Variants in MAP2K6 observed in about 807,000 individuals in gnomAD.
The protein encoded by MAP2K6 is dual specificity mitogen-activated protein kinase kinase 6.
MAP2K6 carries 16 observed loss-of-function variants against 53.7 expected under a neutral mutation model. The observed-to-expected ratio is 0.30, with a 90% confidence interval of 0.20 to 0.45. The LOEUF is 0.45. Among genes scored for constraint, MAP2K6 ranks in the 20% least tolerant of loss-of-function variants. MAP2K6 has a pLI of 1.00. For missense variants in MAP2K6, 204 were observed against 411.9 expected, an observed-to-expected ratio of 0.50 and a Z score of 4.37; for synonymous variants, 132 against 143.1, an observed-to-expected ratio of 0.92 and a Z score of 0.55.
intron 1 of MAP2K6, among the ~76,000 whole-genome samples, chr17:69,490,287 T>C (rs1312432614): frequency 6.6e-6 from 1 of 152,226 alleles, no homozygotes; most frequent in Non-Finnish European, 1.5e-5. Context: ...TCTGCTAATA[T>C]CCATTCTTTA....
In MAP2K6 at chr17:69,432,708, A is replaced by T. The variant is rs150190247; in HGVS notation, c.16+17708A>T. 7.5e-3 allele frequency among the ~76,000 whole-genome samples: 1,148 copies of T among 152,150 alleles called. 13 individuals carry two copies. The highest frequency in any genetic ancestry group is 0.026 in the African/African-American group (1,076 of 41,492). On this transcript the variant is annotated intron_variant, in intron 1 of 11. Coordinates refer to ENST00000590474, the MANE Select transcript of MAP2K6 (RefSeq NM_002758.4). ...AAATAGCTAATGCATGTGGGGCTTA[A>T]TACCTAGGTGATGGGTTGATGGGTG...
At chr17:69,449,516 TG>T (rs67251913) in intron 1 of MAP2K6, among the ~76,000 whole-genome samples, 11,012 of 127,330 alleles carry the variant, frequency 0.086, 1,421 homozygotes, top group African/African-American at 0.29. Flanking sequence ...TTTCTTTCTT[TG>T]TCTTTCTTTC....
chr17:69,493,247 A>T (rs534185246), intron 1 of MAP2K6, among the ~76,000 whole-genome samples: 1 of 152,318 alleles, frequency 6.6e-6, no homozygotes, highest in East Asian at 1.9e-4. Context: ...AGAGAACATA[A>T]AAGAATGTAA....
At chr17:69,513,586 A>T (rs1442055680) in intron 2 of MAP2K6, among the ~76,000 whole-genome samples, 1 of 152,218 alleles carries the variant, frequency 6.6e-6, no homozygotes, top group Non-Finnish European at 1.5e-5. Context: ...CGGATACTAA[A>T]TATTTTAGGC....
At chr17:69,475,612 C>G (rs1474821200) in intron 1 of MAP2K6, among the ~76,000 whole-genome samples, 1 of 152,216 alleles carries the variant, frequency 6.6e-6, no homozygotes, top group Non-Finnish European at 1.5e-5. Flanking sequence ...CTTATGTTGC[C>G]TATTCCACTC....
At chr17:69,533,781 G>C (rs1375838083) in intron 10 of MAP2K6, among the ~76,000 whole-genome samples, 3 of 146,802 alleles carry the variant, frequency 2.0e-5, no homozygotes, top group Non-Finnish European at 4.5e-5. Context: ...AGTCAGCAAC[G>C]CTCCTGGGAT....
intron 10 of MAP2K6, among the ~76,000 whole-genome samples, chr17:69,533,140 G>T (rs1209554800): frequency 6.6e-6 from 1 of 151,992 alleles, no homozygotes; most frequent in Non-Finnish European, 1.5e-5. Flanking sequence ...TATTGGCCAG[G>T]CTGGTCTTGA....
intron 2 of MAP2K6, among the ~76,000 whole-genome samples, chr17:69,512,923 A>C (rs1327649055): frequency 6.6e-6 from 1 of 152,202 alleles, no homozygotes; most frequent in Non-Finnish European, 1.5e-5. Context: ...TTATCATACT[A>C]AACCGAAGCT....
chr17:69,515,981 T>TA (rs1456292818), intron 2 of MAP2K6, among the ~76,000 whole-genome samples: 2 of 152,216 alleles, frequency 1.3e-5, no homozygotes, highest in East Asian at 1.9e-4. Flanking sequence ...GCTTGAGACT[T>TA]ACTGCTGTAG....
At chr17:69,452,993 G>T (rs141555135) in intron 1 of MAP2K6, among the ~76,000 whole-genome samples, 10 of 152,308 alleles carry the variant, frequency 6.6e-5, no homozygotes, top group African/African-American at 2.2e-4. Context: ...GCCTCAACCA[G>T]GTGCTCTGTG....
In MAP2K6 at chr17:69,541,866, C is replaced by G. The variant is rs754992382; in HGVS notation, c.*113C>G. 1 of 754,946 alleles carries G rather than the reference C, an allele frequency of 1.3e-6. No homozygotes were observed. Among genetic ancestry groups the G allele is most frequent in the Non-Finnish European group, 2.2e-6 (1 of 461,268 alleles). 46.8% of individuals were successfully genotyped at this position (754,946 alleles called of 1,614,324 possible). On this transcript the variant is annotated 3_prime_UTR_variant, in exon 12 of 12. Coordinates refer to ENST00000590474, the MANE Select transcript of MAP2K6 (RefSeq NM_002758.4). Reference sequence around the variant, plus strand: ...TCTTTGAGATAATTTAACCCTGCCTCTCAGAGGGTTTTCTCTCCCAATTTT... The same window carrying G: ...TCTTTGAGATAATTTAACCCTGCCTGTCAGAGGGTTTTCTCTCCCAATTTT...
intron 1 of MAP2K6, among the ~76,000 whole-genome samples, chr17:69,418,546 T>A (rs1905976431): frequency 6.6e-6 from 1 of 152,186 alleles, no homozygotes; most frequent in Non-Finnish European, 1.5e-5. Context: ...TTTCTATCTA[T>A]GTGTATGAAG....
chr17:69,525,316 G>A (rs571204693), intron 9 of MAP2K6, among the ~76,000 whole-genome samples: 50 of 152,220 alleles, frequency 3.3e-4, no homozygotes, highest in African/African-American at 1.1e-3. Flanking sequence ...AATTATTCGA[G>A]CCAAGGCAAG....
At chr17:69,457,277 G>A (rs1907444069) in intron 1 of MAP2K6, among the ~76,000 whole-genome samples, 1 of 152,176 alleles carries the variant, frequency 6.6e-6, no homozygotes, top group Non-Finnish European at 1.5e-5. Flanking sequence ...TCCCACGCCA[G>A]CACCATTACA....
At chr17:69,475,306 C>T (rs969926818) in intron 1 of MAP2K6, among the ~76,000 whole-genome samples, 1 of 151,314 alleles carries the variant, frequency 6.6e-6, no homozygotes, top group Non-Finnish European at 1.5e-5. Flanking sequence ...GTAGCTGGGA[C>T]TACAGGCGCC....
chr17:69,460,527 G>A (rs146007023), intron 1 of MAP2K6, among the ~76,000 whole-genome samples: 1 of 152,162 alleles, frequency 6.6e-6, no homozygotes, highest in Non-Finnish European at 1.5e-5. Context: ...GATAGGAGAA[G>A]TTTACTCCTC....
chr17:69,490,018 G>C (rs1291390006), intron 1 of MAP2K6, among the ~76,000 whole-genome samples: 1 of 152,206 alleles, frequency 6.6e-6, no homozygotes, highest in African/African-American at 2.4e-5. Flanking sequence ...AGGTTTTCCA[G>C]GTTGCAGGAT....
chr17:69,539,290 G>T (rs1911499643), intron 11 of MAP2K6, among the ~76,000 whole-genome samples: 1 of 152,190 alleles, frequency 6.6e-6, no homozygotes, highest in African/African-American at 2.4e-5. Context: ...AGGCACATCA[G>T]TGAGACTAAA....
At chr17:69,485,133 TC>T (rs1908484045) in intron 1 of MAP2K6, 1 of 152,012 alleles carries the variant, frequency 6.6e-6, no homozygotes, top group East Asian at 1.9e-4. Context: ...TTAATAAGAG[TC>T]AGAGTGCAAA....
Sources: allele counts gnomAD v4.1 joint callset (sites outside exome capture counted in the v4.1 genomes callset), GRCh38; gene constraint gnomAD v4.1.1; transcripts MANE v1.5; gene names NCBI Gene and HGNC (gene_info 2026-07-23, HGNC 2026-07-21).